PIEZO2: variants seen among roughly 807,000 people sequenced by gnomAD.
The protein encoded by PIEZO2 is piezo-type mechanosensitive ion channel component 2.
A neutral mutation model predicts 337.3 loss-of-function variants in PIEZO2; 172 were observed. The observed-to-expected ratio is 0.51, with a 90% CI of 0.45 to 0.58. PIEZO2 has a LOEUF of 0.58. Ranked by LOEUF, PIEZO2 falls within the 20% of genes least tolerant of loss-of-function variation. The pLI is 0.00. For missense variants in PIEZO2, 3,028 were observed against 3,391.3 expected (o/e 0.89, Z 2.66); for synonymous variants, 1,251 against 1,228.5 (o/e 1.02, Z -0.38).
intron 1 of PIEZO2, among the ~76,000 whole-genome samples, chr18:11,108,568 C>T (rs913387609): frequency 1.7e-4 from 23 of 135,108 alleles, no homozygotes; most frequent in African/African-American, 5.9e-4. Flanking sequence ...GAGCTGAGAT[C>T]GCACCACTGC....
Position 10,726,512 on chromosome 18 carries a change from C to T in PIEZO2, c.5029+4895G>A. The T allele has an allele frequency of 6.7e-7, 1 of 1,483,256 alleles. No individual in the cohort carries two copies. 91.9% of individuals were successfully genotyped at this position (1,483,256 alleles called of 1,614,324 possible). On this transcript the variant is annotated intron_variant, in intron 36 of 55. Coordinates refer to ENST00000674853, the MANE Select transcript of PIEZO2 (RefSeq NM_001378183.1). This position sits in a 1 kb window ranked among gnomAD's most constrained non-coding sequence, Gnocchi z 5.9. Reference sequence around the variant, plus strand: ...CGTGCTGCTCCGCAAGCAGCCGTTCCTGTGGCGCGCTGCGCTGCTCTGCTC... The same window carrying T: ...CGTGCTGCTCCGCAAGCAGCCGTTCTTGTGGCGCGCTGCGCTGCTCTGCTC...
At chr18:11,007,446 CAT>C (rs1424194956) in intron 2 of PIEZO2, among the ~76,000 whole-genome samples, 1 of 152,136 alleles carries the variant, frequency 6.6e-6, no homozygotes, top group African/African-American at 2.4e-5. Context: ...GGAACATTTA[CAT>C]TACCCAGAAA....
rs1227210217 is a variant in PIEZO2 at position 10,803,913 on chromosome 18, G to C, written c.1162C>G (p.Leu388Val). The change falls in exon 9 of 56, where the codon CTG (leucine) becomes GTG (valine). Residue 388 changes from leucine to valine, a missense_variant. Transcript: ENST00000674853. ...IQITAGRRRS[L>V]WYATHYPTDE... is the part of the protein sequence containing the mutation. ...GTGGGGTAATGGGTTGCGTACCACAGGCTCCGCCTCCTCCCCGCTGTTATT... is the reference window on the plus strand; with the variant it reads ...GTGGGGTAATGGGTTGCGTACCACACGCTCCGCCTCCTCCCCGCTGTTATT... 6.5e-7 allele frequency: 1 copy of C among 1,537,318 alleles called. No individual in the cohort carries two copies. The highest frequency in any genetic ancestry group is 8.7e-7 in the Non-Finnish European group (1 of 1,146,930).
chr18:10,791,480 A>C, intron 13 of PIEZO2, 156 bp from the exon 14 acceptor site: 1 of 756,550 alleles, frequency 1.3e-6, no homozygotes, highest in Non-Finnish European at 1.9e-6. Flanking sequence ...ACTTCAGCTG[A>C]GATTCACTGC....
chr18:11,026,223 C>A (rs1361408775), intron 2 of PIEZO2, among the ~76,000 whole-genome samples: 1 of 152,200 alleles, frequency 6.6e-6, no homozygotes, highest in Admixed American at 6.5e-5. Flanking sequence ...GGGTGCTTGT[C>A]TTCACATGTT....
chr18:11,039,372 G>A (rs1191391418), intron 2 of PIEZO2, among the ~76,000 whole-genome samples: 2 of 152,162 alleles, frequency 1.3e-5, no homozygotes, highest in African/African-American at 4.8e-5. Context: ...AGCTATTGCA[G>A]GCTCCAAGAT....
chr18:10,855,000 C>T lies in PIEZO2; in HGVS notation c.917+353G>A, dbSNP rs1440418685. Among the ~76,000 whole-genome samples, 1 of 152,142 alleles carries T rather than the reference C, an allele frequency of 6.6e-6. No homozygotes were observed. Among genetic ancestry groups the T allele is most frequent in the African/African-American group, 2.4e-5 (1 of 41,426 alleles). On this transcript the variant is annotated intron_variant, in intron 7 of 55. Coordinates refer to ENST00000674853, the MANE Select transcript of PIEZO2 (RefSeq NM_001378183.1). The surrounding 1 kb of genome is among the most constrained non-coding windows in gnomAD (Gnocchi z 4.6). ...GTTCTCGTATATTAGGCCCATGAAA[C>T]GCCTTTCTAGCTGGATGCTGTGGCA...
intron 36 of PIEZO2, among the ~76,000 whole-genome samples, chr18:10,720,463 ATATATATAT>A (rs2036262001): frequency 3.0e-4 from 18 of 59,580 alleles, no homozygotes; most frequent in Non-Finnish European, 4.6e-4. Context: ...ATATATATAT[ATATATATAT>A]ATTAGAGTCA....
At chr18:11,059,770 AC>A (rs2037870834) in intron 2 of PIEZO2, among the ~76,000 whole-genome samples, 1 of 152,184 alleles carries the variant, frequency 6.6e-6, no homozygotes, top group South Asian at 2.1e-4. Context: ...GTCCTTAGAG[AC>A]CTAGAAAGAG....
Position 10,769,241 on chromosome 18 carries a change from A to G in PIEZO2, c.2946+907T>C, listed in dbSNP as rs768841793. Among the ~76,000 whole-genome samples the G allele has an allele frequency of 9.8e-4, 149 of 152,342 alleles. 1 individual carries two copies. The highest frequency in any genetic ancestry group is 1.3e-3 in the Non-Finnish European group (91 of 68,032). On this transcript the variant is annotated intron_variant, in intron 21 of 55. Transcript: ENST00000674853. ...TAACGTATACGCCCAGTGACTTAAC[A>G]TTGGAGCCGCTGCCATTTCCCCACG... is the stretch of plus-strand genomic sequence containing the variant.
chr18:10,958,552 C>T (rs1363940621), intron 3 of PIEZO2, among the ~76,000 whole-genome samples: 2 of 152,044 alleles, frequency 1.3e-5, no homozygotes, highest in Admixed American at 6.6e-5. Context: ...ATTTTTACCA[C>T]AAAAATAAGT....
rs1019707506 is a variant in PIEZO2 at position 11,078,726 on chromosome 18, A to G, written c.65-12504T>C. 2.0e-5 allele frequency among the ~76,000 whole-genome samples: 3 copies of G among 152,234 alleles called. No individual in the cohort carries two copies. Among genetic ancestry groups the G allele is most frequent in the African/African-American group, 4.8e-5 (2 of 41,460 alleles). On this transcript the variant is annotated intron_variant, in intron 1 of 55. Coordinates refer to ENST00000674853, the MANE Select transcript of PIEZO2 (RefSeq NM_001378183.1). This position sits in a 1 kb window ranked among gnomAD's most constrained non-coding sequence, Gnocchi z 5.3. ...ACCACAGTGTGAAAACCTCGCTCCC[A>G]GAGCAACATCCAAATAGCAATGAAT...
rs1366073046 is a variant in PIEZO2, at chr18:10,920,202, C to G, written c.287-8974G>C. ...AATATCATGATCACCCCACCTTCCC[C>G]TGACTTCTATTATCTTTCTACATCT... On this transcript the variant is annotated intron_variant, in intron 3 of 55. Transcript: ENST00000674853. 2.0e-5 allele frequency among the ~76,000 whole-genome samples: 3 copies of G among 152,114 alleles called. 1 individual carries two copies. The highest frequency in any genetic ancestry group is 4.4e-5 in the Non-Finnish European group (3 of 68,020).
intron 5 of PIEZO2, among the ~76,000 whole-genome samples, chr18:10,864,959 A>G (rs2041968034): frequency 6.6e-6 from 1 of 152,204 alleles, no homozygotes; most frequent in Non-Finnish European, 1.5e-5. Flanking sequence ...GAGCCCCGGA[A>G]AGACAAGAGT....
intron 17 of PIEZO2, among the ~76,000 whole-genome samples, chr18:10,780,627 C>T (rs189222904): frequency 1.7e-4 from 25 of 150,974 alleles, no homozygotes; most frequent in Admixed American, 1.6e-3. Flanking sequence ...CCATCTCACA[C>T]ACTTTATTAC....
At chr18:11,013,911 T>C (rs2035991784) in intron 2 of PIEZO2, among the ~76,000 whole-genome samples, 1 of 152,120 alleles carries the variant, frequency 6.6e-6, no homozygotes, top group Non-Finnish European at 1.5e-5. Flanking sequence ...TTCAAATACA[T>C]AGTTCCAAAA....
intron 7 of PIEZO2, among the ~76,000 whole-genome samples, chr18:10,814,870 AG>A (rs2040314794): frequency 6.6e-6 from 1 of 152,224 alleles, no homozygotes; most frequent in African/African-American, 2.4e-5. Flanking sequence ...CAGCCTTGAA[AG>A]GGGGAGGAAG....
chr18:10,792,675 T>G (rs1208572806), intron 13 of PIEZO2, among the ~76,000 whole-genome samples: 1 of 152,252 alleles, frequency 6.6e-6, no homozygotes, highest in East Asian at 1.9e-4. Context: ...CTTTCATTAG[T>G]TAATAGGCAT....
rs943726683 is a variant in PIEZO2, at chr18:10,815,616, A to G, written c.918-8342T>C. On this transcript the variant is annotated intron_variant, in intron 7 of 55. Coordinates refer to ENST00000674853, the MANE Select transcript of PIEZO2 (RefSeq NM_001378183.1). The surrounding 1 kb of genome is among the most constrained non-coding windows in gnomAD (Gnocchi z 4.1). ...GATATCAATTTCTTCCTTGTATAAAAGTATAGATGTATATAGTTCAAGCTA... is the reference window on the plus strand; with the variant it reads ...GATATCAATTTCTTCCTTGTATAAAGGTATAGATGTATATAGTTCAAGCTA... 1.3e-5 allele frequency among the ~76,000 whole-genome samples: 2 copies of G among 152,228 alleles called. No homozygotes were observed. Among genetic ancestry groups the G allele is most frequent in the South Asian group, 2.1e-4 (1 of 4,824 alleles).
Sources: gnomAD v4.1 joint callset for allele counts (sites outside exome capture counted in the v4.1 genomes callset) on GRCh38, gnomAD v4.1.1 for gene constraint, Gnocchi (gnomAD v3.1) non-coding constraint, MANE v1.5 for transcripts, NCBI Gene and HGNC (gene_info 2026-07-23, HGNC 2026-07-21) for gene names.